Variants in SLC9A8 observed in about 807,000 individuals in gnomAD.
SLC9A8 encodes the protein solute carrier family 9 member A8.
SLC9A8 carries 48 observed loss-of-function variants against 66.6 expected under a neutral mutation model. The observed-to-expected ratio is 0.72, with a 90% confidence interval of 0.57 to 0.92. The LOEUF (loss-of-function observed/expected upper bound fraction) is 0.92. Among genes scored for constraint, SLC9A8 ranks in the 40% least tolerant of loss-of-function variants. The pLI is 0.00. For missense variants in SLC9A8, 599 were observed against 747.3 expected, an observed-to-expected ratio of 0.80 and a Z score of 2.31; for synonymous variants, 274 against 282.6, an observed-to-expected ratio of 0.97 and a Z score of 0.31.
intron 1 of SLC9A8, among the ~76,000 whole-genome samples, chr20:49,813,900 T>C (rs1313903588): frequency 1.3e-5 from 2 of 152,102 alleles, no homozygotes; most frequent in East Asian, 1.9e-4. Flanking sequence ...ACGGGCTGTG[T>C]CCTCCAGGTA....
intron 10 of SLC9A8, among the ~76,000 whole-genome samples, chr20:49,869,706 G>A (rs2089131374): frequency 6.6e-6 from 1 of 151,984 alleles, no homozygotes; most frequent in Non-Finnish European, 1.5e-5. Context: ...GGTGGCACGT[G>A]CTGGTAGTCC....
chr20:49,814,991 C>CT lies in SLC9A8; in HGVS notation c.27-14dup. The CT allele has an allele frequency of 1.3e-6, 2 of 1,496,040 alleles. No homozygotes were observed. Among genetic ancestry groups the CT allele is most frequent in the South Asian group, 2.6e-5 (2 of 76,784 alleles). 92.7% of individuals were successfully genotyped at this position (1,496,040 alleles called of 1,614,324 possible). ...GACCCTTTTCCATTATCTAATTATG[C>CT]TTTCTATGTCCTCCAGGAGGTTCCC... On this transcript the variant is annotated splice_polypyrimidine_tract_variant and intron_variant, in intron 1 of 15. Transcript: ENST00000361573.
At chr20:49,859,033 A>G (rs1015860826) in intron 8 of SLC9A8, among the ~76,000 whole-genome samples, 7 of 151,826 alleles carry the variant, frequency 4.6e-5, no homozygotes, top group African/African-American at 1.5e-4. Flanking sequence ...TGGAGCATGC[A>G]TGTATAGTTT....
intron 10 of SLC9A8, among the ~76,000 whole-genome samples, chr20:49,869,207 T>G (rs753876961): frequency 6.6e-6 from 1 of 151,964 alleles, no homozygotes; most frequent in African/African-American, 2.4e-5. Context: ...AATCATGAGA[T>G]AACACTTTCT....
chr20:49,822,913 C>T (rs1474380426), intron 2 of SLC9A8, 148 bp from the exon 3 acceptor site: 18 of 647,088 alleles, frequency 2.8e-5, no homozygotes, highest in Non-Finnish European at 4.6e-5. Flanking sequence ...AAATGAGACA[C>T]GAAAAACACC....
chr20:49,821,075 A>G (rs974374410), intron 2 of SLC9A8, among the ~76,000 whole-genome samples: 7 of 151,954 alleles, frequency 4.6e-5, no homozygotes, highest in African/African-American at 9.7e-5. Flanking sequence ...CTCCCCTTCT[A>G]TGGATTGTCT....
intron 4 of SLC9A8, among the ~76,000 whole-genome samples, chr20:49,841,671 A>G (rs528997933): frequency 1.8e-4 from 28 of 152,178 alleles, no homozygotes; most frequent in African/African-American, 6.5e-4. Context: ...GCTCACTGCA[A>G]CCTCTGCCTC....
rs566206320 is a variant in SLC9A8 at position 49,845,359 on chromosome 20, A to G, written c.432+240A>G. 8.5e-5 allele frequency among the ~76,000 whole-genome samples: 13 copies of G among 152,348 alleles called. No homozygotes were observed. Among genetic ancestry groups the G allele is most frequent in the Admixed American group, 2.6e-4 (4 of 15,302 alleles). ...CTCACTGAGCCAGTGTTTGCCATAAATGGGTGCTTTGCCCAGGAAGATGGC... is the reference window on the plus strand; with the variant it reads ...CTCACTGAGCCAGTGTTTGCCATAAGTGGGTGCTTTGCCCAGGAAGATGGC... On this transcript the variant is annotated intron_variant, in intron 5 of 15. Transcript: ENST00000361573.
At chr20:49,877,950 G>T in intron 11 of SLC9A8, 31 bp from the exon 12 acceptor site, 2 of 1,485,690 alleles carry the variant, frequency 1.3e-6, no homozygotes, top group Non-Finnish European at 1.8e-6. Context: ...AATCATTGGG[G>T]TTGAATAATC....
chr20:49,884,080 G>T lies in SLC9A8; in HGVS notation c.1491+14G>T. 6.2e-7 allele frequency: 1 copy of T among 1,610,306 alleles called. No homozygotes were observed. On this transcript the variant is annotated intron_variant, in intron 14 of 15. Coordinates refer to ENST00000361573, the MANE Select transcript of SLC9A8 (RefSeq NM_015266.3). ...ACTGAGAAGATGGTTAGTACCATGC[G>T]CCTGTGGGGGTGGGGCAGGGGGCTG...
At chr20:49,852,232 C>T (rs1168578325) in intron 7 of SLC9A8, among the ~76,000 whole-genome samples, 1 of 152,186 alleles carries the variant, frequency 6.6e-6, no homozygotes, top group East Asian at 1.9e-4. Flanking sequence ...AAGGGACAGC[C>T]ACTTCTCAGC....
chr20:49,838,531 G>A (rs1002352517), intron 3 of SLC9A8, among the ~76,000 whole-genome samples: 18 of 152,308 alleles, frequency 1.2e-4, no homozygotes, highest in African/African-American at 3.4e-4. Flanking sequence ...TTTATAAAGT[G>A]AAAATGAACT....
intron 12 of SLC9A8, among the ~76,000 whole-genome samples, chr20:49,880,333 A>G (rs1486895660): frequency 6.6e-6 from 1 of 151,470 alleles, no homozygotes; most frequent in East Asian, 1.9e-4. Flanking sequence ...GCCTTTGGAG[A>G]TGGAGAGGAA....
At chr20:49,818,949 C>T (rs1230164052) in intron 2 of SLC9A8, among the ~76,000 whole-genome samples, 3 of 152,190 alleles carry the variant, frequency 2.0e-5, no homozygotes, top group Admixed American at 6.5e-5. Flanking sequence ...CTTTTTGTTA[C>T]TCTTTTAGTT....
At position 49,889,189 on chromosome 20, in the gene SLC9A8, C is replaced by T. The variant is rs990075680; in HGVS notation, c.*1253C>T. ...CCCCTTTGACGAGCCTCAAACTGCT[C>T]AGCTCATCAAAGAGCCATTGCCAAC... On this transcript the variant is annotated 3_prime_UTR_variant, in exon 16 of 16. Coordinates refer to ENST00000361573, the MANE Select transcript of SLC9A8 (RefSeq NM_015266.3). The T allele has an allele frequency of 2.0e-5, 3 of 152,300 alleles. No homozygotes were observed. Among genetic ancestry groups the T allele is most frequent in the Non-Finnish European group, 4.4e-5 (3 of 68,072 alleles). 9.4% of individuals were successfully genotyped at this position (152,300 alleles called of 1,614,324 possible). A position where few individuals can be genotyped will look rare whatever the true frequency, so the allele number is the denominator to read the frequency against.
At chr20:49,826,907 G>C (rs1433337753) in intron 3 of SLC9A8, among the ~76,000 whole-genome samples, 1 of 151,276 alleles carries the variant, frequency 6.6e-6, no homozygotes, top group Non-Finnish European at 1.5e-5. Flanking sequence ...CATTTTTTCT[G>C]TTCTTTCCAT....
intron 3 of SLC9A8, 44 bp downstream of exon 3, chr20:49,823,185 A>G: frequency 6.8e-7 from 1 of 1,476,068 alleles, no homozygotes; most frequent in Non-Finnish European, 9.5e-7. Flanking sequence ...AGTAACAATA[A>G]CTACCATTTT....
At chr20:49,838,544 T>C (rs1050667843) in intron 3 of SLC9A8, among the ~76,000 whole-genome samples, 2 of 152,222 alleles carry the variant, frequency 1.3e-5, no homozygotes, top group Non-Finnish European at 2.9e-5. Context: ...AATGAACTTA[T>C]CTCCCCTCTT....
intron 3 of SLC9A8, chr20:49,830,410 C>A: frequency 1.2e-6 from 1 of 827,026 alleles, no homozygotes; most frequent in Non-Finnish European, 2.1e-6. Flanking sequence ...ATCACTTTCG[C>A]CCGTGTGTTG....
Sources: allele counts gnomAD v4.1 joint callset (sites outside exome capture counted in the v4.1 genomes callset), GRCh38; gene constraint gnomAD v4.1.1; transcripts MANE v1.5; gene names NCBI Gene and HGNC (gene_info 2026-07-23, HGNC 2026-07-21).